Variants in CEP70 observed in about 807,000 individuals in gnomAD.
CEP70 encodes centrosomal protein 70, also known as centrosomal protein of 70 kDa.
CEP70 carries 70 observed loss-of-function variants against 90.9 expected under a neutral mutation model. That is an observed-to-expected ratio of 0.77 (90% CI 0.64 to 0.94). The LOEUF (loss-of-function observed/expected upper bound fraction) is 0.94, where lower values mean the gene tolerates loss of function less well. Among genes scored for constraint, CEP70 ranks in the 40% least tolerant of loss-of-function variants. CEP70 has a pLI of 0.00. For synonymous variants in CEP70, 220 were observed against 228.3 expected, an observed-to-expected ratio of 0.96 and a Z score of 0.33; for missense variants, 648 against 669.0, an observed-to-expected ratio of 0.97 and a Z score of 0.35.
intron 2 of CEP70, 28 bp from the exon 3 acceptor site, chr3:138,572,960 T>C (rs201560320): frequency 3.2e-6 from 5 of 1,545,942 alleles, no homozygotes; most frequent in East Asian, 4.5e-5. Context: ...GAAACAGAAA[T>C]TGGCAATTAA....
rs557139198 is a variant in CEP70 at position 138,548,202 on chromosome 3, G to C, written c.466-10855C>G. Among the ~76,000 whole-genome samples the C allele has an allele frequency of 1.3e-3, 199 of 152,276 alleles. 1 individual carries two copies. Among genetic ancestry groups the C allele is most frequent in the African/African-American group, 4.6e-3 (192 of 41,554 alleles). On this transcript the variant is annotated intron_variant, in intron 6 of 17. Transcript: ENST00000264982. ...ACCAAGTGGAATTTATCCTTGGAAT[G>C]CAAAGATGGCTCAACATACAAAAAA...
At chr3:138,523,023 A>G (rs555426265) in intron 11 of CEP70, among the ~76,000 whole-genome samples, 1 of 152,314 alleles carries the variant, frequency 6.6e-6, no homozygotes, top group East Asian at 1.9e-4. Context: ...AAGCTTATCC[A>G]CCATAGTCAA....
At position 138,589,825 on chromosome 3, in the gene CEP70, C is replaced by T. The variant is rs148411529; in HGVS notation, c.-6+2029G>A. On this transcript the variant is annotated intron_variant, in intron 2 of 17. Coordinates refer to ENST00000264982, the MANE Select transcript of CEP70 (RefSeq NM_024491.4). ...AAATTCACGGAAAAGAAGTGTGAGC[C>T]AAAGACTTTATATCTGCAAAATTGA... Among the ~76,000 whole-genome samples the T allele has an allele frequency of 5.6e-3, 853 of 152,022 alleles. 6 individuals carry two copies. Among genetic ancestry groups the T allele is most frequent in the African/African-American group, 0.02 (821 of 41,440 alleles).
intron 12 of CEP70, among the ~76,000 whole-genome samples, chr3:138,508,157 T>C (rs1256602776): frequency 6.6e-6 from 1 of 152,136 alleles, no homozygotes; most frequent in Non-Finnish European, 1.5e-5. Context: ...GGAAAATGGC[T>C]TACATGGGGA....
chr3:138,567,416 A>G (rs1576870537), intron 6 of CEP70, among the ~76,000 whole-genome samples: 1 of 152,238 alleles, frequency 6.6e-6, no homozygotes, highest in Non-Finnish European at 1.5e-5. Context: ...TGACACCTCA[A>G]AACATGCCAC....
At chr3:138,509,480 G>A (rs1392144202) in intron 11 of CEP70, among the ~76,000 whole-genome samples, 1 of 152,288 alleles carries the variant, frequency 6.6e-6, no homozygotes, top group South Asian at 2.1e-4. Context: ...CTATGTATAA[G>A]TGTATCCACC....
intron 11 of CEP70, among the ~76,000 whole-genome samples, chr3:138,515,862 TTC>T (rs1189607974): frequency 6.6e-6 from 1 of 152,190 alleles, no homozygotes; most frequent in African/African-American, 2.4e-5. Flanking sequence ...TCCTAGTTGC[TTC>T]TCTCTCAATC....
At chr3:138,589,779 A>C (rs1031919291) in intron 2 of CEP70, among the ~76,000 whole-genome samples, 3 of 152,238 alleles carry the variant, frequency 2.0e-5, no homozygotes, top group East Asian at 3.8e-4. Flanking sequence ...TTCCAGAAGA[A>C]AAAGGAGTAA....
At chr3:138,497,731 A>G (rs1462580559) in intron 17 of CEP70, 8 of 985,264 alleles carry the variant, frequency 8.1e-6, no homozygotes, top group African/African-American at 1.7e-5. Flanking sequence ...AATCCTAAGA[A>G]TATTTCTCAT....
intron 11 of CEP70, among the ~76,000 whole-genome samples, chr3:138,511,720 G>A (rs1015614540): frequency 6.6e-6 from 1 of 152,180 alleles, no homozygotes; most frequent in African/African-American, 2.4e-5. Context: ...ATGATAACTA[G>A]TAGGTACTGA....
chr3:138,527,550 C>T (rs1020470965), intron 10 of CEP70, among the ~76,000 whole-genome samples: 3 of 150,912 alleles, frequency 2.0e-5, no homozygotes, highest in Non-Finnish European at 2.9e-5. Flanking sequence ...AAAAATTAGC[C>T]GGGCGTGGTG....
chr3:138,508,923 C>CG (rs2035256666), intron 11 of CEP70, among the ~76,000 whole-genome samples: 1 of 151,892 alleles, frequency 6.6e-6, no homozygotes, highest in East Asian at 1.9e-4. Context: ...TTAGTAGAGA[C>CG]GGGGTTTCAC....
At chr3:138,589,473 CA>C (rs1316201243) in intron 2 of CEP70, among the ~76,000 whole-genome samples, 1 of 145,028 alleles carries the variant, frequency 6.9e-6, no homozygotes, top group African/African-American at 2.6e-5. Flanking sequence ...GGCAACTTGG[CA>C]AAACCCTGTC....
chr3:138,569,322 C>T (rs1003441570), intron 6 of CEP70, among the ~76,000 whole-genome samples: 2 of 152,134 alleles, frequency 1.3e-5, no homozygotes, highest in Non-Finnish European at 2.9e-5. Context: ...CCTGAACTCA[C>T]ATATGCAAAC....
intron 2 of CEP70, among the ~76,000 whole-genome samples, chr3:138,574,922 T>G (rs1221196647): frequency 1.3e-5 from 2 of 151,844 alleles, no homozygotes; most frequent in Non-Finnish European, 2.9e-5. Context: ...AAAAAGGACA[T>G]CCACACCAAA....
intron 2 of CEP70, among the ~76,000 whole-genome samples, chr3:138,578,111 T>C (rs994795040): frequency 1.3e-5 from 2 of 152,208 alleles, no homozygotes; most frequent in Non-Finnish European, 2.9e-5. Context: ...GTTCCTTCAA[T>C]AAAATGGTGT....
At chr3:138,526,963 T>C (rs1176011780) in intron 10 of CEP70, among the ~76,000 whole-genome samples, 1 of 152,000 alleles carries the variant, frequency 6.6e-6, no homozygotes, top group East Asian at 1.9e-4. Flanking sequence ...AATTAGCAAT[T>C]AAAATAAAAA....
chr3:138,575,441 T>C (rs2041445946), intron 2 of CEP70, among the ~76,000 whole-genome samples: 1 of 152,062 alleles, frequency 6.6e-6, no homozygotes, highest in Non-Finnish European at 1.5e-5. Flanking sequence ...CCAAGAAATA[T>C]GGGACTATGT....
chr3:138,514,350 A>C (rs2035807096), intron 11 of CEP70, among the ~76,000 whole-genome samples: 1 of 152,244 alleles, frequency 6.6e-6, no homozygotes, highest in Non-Finnish European at 1.5e-5. Context: ...CTTGCTATAC[A>C]AAAGGGTGAC....
Sources: gnomAD v4.1 joint callset for allele counts (sites outside exome capture counted in the v4.1 genomes callset) on GRCh38, gnomAD v4.1.1 for gene constraint, MANE v1.5 for transcripts, NCBI Gene and HGNC (gene_info 2026-07-23, HGNC 2026-07-21) for gene names.